Variants in IL17B observed in about 807,000 individuals in gnomAD.
IL17B encodes interleukin-17B.
IL17B carries 14 observed loss-of-function variants against 14.7 expected under a neutral mutation model. The ratio of observed to expected loss-of-function variants is 0.95; its 90% confidence interval spans 0.63 to 1.49. The LOEUF (loss-of-function observed/expected upper bound fraction) is 1.49. Ranked by LOEUF, IL17B falls within the 40% of genes most tolerant of loss-of-function variation. The pLI, the probability that IL17B is intolerant of heterozygous loss-of-function variation, is 0.00. For synonymous variants in IL17B, 105 were observed against 94.8 expected (o/e 1.11, Z -0.62); for missense variants, 233 against 252.8 (o/e 0.92, Z 0.53).
At chr5:149,397,534 G>C (rs564701103) in intron 1 of IL17B, among the ~76,000 whole-genome samples, 1 of 152,218 alleles carries the variant, frequency 6.6e-6, no homozygotes, top group East Asian at 1.9e-4. Context: ...GCCTTTTTGC[G>C]AGGGAACAAT....
intron 1 of IL17B, among the ~76,000 whole-genome samples, chr5:149,392,688 A>G (rs966915148): frequency 2.0e-5 from 3 of 152,224 alleles, no homozygotes; most frequent in Non-Finnish European, 2.9e-5. Flanking sequence ...TACCTCTGTG[A>G]TGGTGACAAT....
At chr5:149,383,780 A>G (rs353274), upstream of IL17B, among the ~76,000 whole-genome samples, 25,720 of 152,234 alleles carry the variant, frequency 0.17, 2,326 homozygotes, top group Middle Eastern at 0.2. Context: ...CCACGTCGAC[A>G]TGACCCTCTG....
intron 1 of IL17B, among the ~76,000 whole-genome samples, chr5:149,391,081 C>T (rs1758941924): frequency 6.6e-6 from 1 of 152,180 alleles, no homozygotes; most frequent in Non-Finnish European, 1.5e-5. Flanking sequence ...AGCCTCCCAC[C>T]TCAGCCTCCT....
intron 2 of IL17B, among the ~76,000 whole-genome samples, chr5:149,375,911 T>C (rs1581382282): frequency 6.6e-6 from 1 of 152,116 alleles, no homozygotes; most frequent in South Asian, 2.1e-4. Flanking sequence ...TCAAAGTTAA[T>C]CCCTCAGTCA....
chr5:149,397,062 G>A (rs1759107869), intron 1 of IL17B, among the ~76,000 whole-genome samples: 1 of 152,172 alleles, frequency 6.6e-6, no homozygotes, highest in Non-Finnish European at 1.5e-5. Context: ...GAGAGTGGTT[G>A]TGGTCTACAC....
chr5:149,382,279 CGGTGTCGGGGTCACCGATTCCA>C (rs1056821869), upstream of IL17B, among the ~76,000 whole-genome samples: 22 of 152,140 alleles, frequency 1.4e-4, no homozygotes, highest in South Asian at 4.2e-4. Context: ...ATGACACAGG[CGGTGTCGGGGTCACCGATTCCA>C]GGTGTCGGGG....
chr5:149,377,901 T>G (rs1758587719), intron 1 of IL17B, among the ~76,000 whole-genome samples: 1 of 152,156 alleles, frequency 6.6e-6, no homozygotes, highest in Non-Finnish European at 1.5e-5. Flanking sequence ...GCCAGCACTT[T>G]GGGAGGCCGA....
chr5:149,378,758 C>G (rs987445701), intron 1 of IL17B, among the ~76,000 whole-genome samples: 2 of 152,240 alleles, frequency 1.3e-5, no homozygotes, highest in African/African-American at 4.8e-5. Flanking sequence ...ACAATAGGCT[C>G]TCTCTTTAGA....
At chr5:149,386,221 A>G (rs1171810951) in intron 1 of IL17B, among the ~76,000 whole-genome samples, 1 of 152,096 alleles carries the variant, frequency 6.6e-6, no homozygotes, top group Non-Finnish European at 1.5e-5. Flanking sequence ...ATCAGGTAGG[A>G]GCTGTTCACA....
At chr5:149,395,480 G>A (rs1222746440) in intron 1 of IL17B, among the ~76,000 whole-genome samples, 3 of 152,120 alleles carry the variant, frequency 2.0e-5, no homozygotes, top group Admixed American at 6.5e-5. Context: ...AATAACGCTG[G>A]TGATTGAACA....
intron 1 of IL17B, 95 bp from the exon 2 acceptor site, chr5:149,377,120 G>A (rs1383586819): frequency 9.4e-7 from 1 of 1,067,862 alleles, no homozygotes; most frequent in African/African-American, 1.6e-5. Context: ...GCTCTTAGGG[G>A]TCTCCCAGGC....
At chr5:149,402,785 C>T (rs1369207780) in intron 1 of IL17B, among the ~76,000 whole-genome samples, 1 of 150,892 alleles carries the variant, frequency 6.6e-6, no homozygotes, top group Non-Finnish European at 1.5e-5. Flanking sequence ...GGGCGGATCA[C>T]AAGGTCAGGA....
intron 1 of IL17B, 82 bp downstream of exon 1, chr5:149,379,123 G>A: frequency 5.2e-6 from 8 of 1,525,396 alleles, no homozygotes; most frequent in Non-Finnish European, 7.3e-6. Context: ...AACAGAGGCA[G>A]CCATTAATAA....
At chr5:149,397,257 C>A (rs1414372479) in intron 1 of IL17B, among the ~76,000 whole-genome samples, 1 of 152,124 alleles carries the variant, frequency 6.6e-6, no homozygotes, top group African/African-American at 2.4e-5. Context: ...GCAACATCTA[C>A]CCCTTGGGTT....
In IL17B at chr5:149,374,356, T is replaced by C; in HGVS notation, c.*13A>G. ...GGTCTCGGGCTGCTGGCCTGGCTTC[T>C]GGGCCAGGTGATTCAGAAGATGCAG... On this transcript the variant is annotated 3_prime_UTR_variant, in exon 3 of 3. Coordinates refer to ENST00000261796, the MANE Select transcript of IL17B (RefSeq NM_014443.3). The surrounding 1 kb of genome is among the most constrained non-coding windows in gnomAD (Gnocchi z 5.0). 3.9e-6 allele frequency: 6 copies of C among 1,551,666 alleles called. No homozygotes were observed. The highest frequency in any genetic ancestry group is 5.2e-6 in the Non-Finnish European group (6 of 1,147,894).
intron 1 of IL17B, among the ~76,000 whole-genome samples, chr5:149,393,814 T>G (rs1362651569): frequency 2.0e-5 from 3 of 152,172 alleles, no homozygotes; most frequent in Non-Finnish European, 4.4e-5. Context: ...CATGAGCCAA[T>G]GAACTCCCTT....
At chr5:149,375,190 T>C (rs1215014363) in intron 2 of IL17B, 1 of 152,426 alleles carries the variant, frequency 6.6e-6, no homozygotes, top group Non-Finnish European at 1.5e-5. Flanking sequence ...CATTCAACAC[T>C]TACATGCTCA....
upstream of IL17B, among the ~76,000 whole-genome samples, chr5:149,380,086 A>G (rs1758651545): frequency 6.6e-6 from 1 of 152,064 alleles, no homozygotes; most frequent in Admixed American, 6.5e-5. Flanking sequence ...GCTCTCAGAG[A>G]CTGTGTGGCT....
chr5:149,383,622 C>T (rs190398753), upstream of IL17B, among the ~76,000 whole-genome samples: 10 of 152,350 alleles, frequency 6.6e-5, no homozygotes, highest in East Asian at 1.9e-3. Context: ...TCGCTGCTCA[C>T]TCCAGAGCCC....
Sources: gnomAD v4.1 joint callset for allele counts (sites outside exome capture counted in the v4.1 genomes callset) on GRCh38, gnomAD v4.1.1 for gene constraint, Gnocchi (gnomAD v3.1) non-coding constraint, MANE v1.5 for transcripts, NCBI Gene and HGNC (gene_info 2026-07-23, HGNC 2026-07-21) for gene names.